The following AGAP1 variants were observed in gnomAD, a reference collection of about 807,000 sequenced individuals.
AGAP1 encodes arf-GAP with GTPase, ANK repeat and PH domain-containing protein 1.
In AGAP1, 29 loss-of-function variants were observed where a neutral mutation model predicts 105.3. That is an observed-to-expected ratio of 0.28 (90% CI 0.21 to 0.38). The LOEUF is 0.38. Ranked by LOEUF, AGAP1 falls within the 10% of genes least tolerant of loss-of-function variation. The probability of loss-of-function intolerance (pLI) is 1.00; values close to 1 mark genes in which losing one functional copy is unlikely to be tolerated. For missense variants in AGAP1, 998 were observed against 1,165.1 expected, an observed-to-expected ratio of 0.86 and a Z score of 2.09; for synonymous variants, 509 against 485.9, an observed-to-expected ratio of 1.05 and a Z score of -0.63.
At position 235,982,192 on chromosome 2, in the gene AGAP1, T is replaced by C. The variant is rs2055126736; in HGVS notation, c.1645+13569T>C. On this transcript the variant is annotated intron_variant, in intron 13 of 17. Coordinates refer to ENST00000304032, the MANE Select transcript of AGAP1 (RefSeq NM_001037131.3). This position sits in a 1 kb window ranked among gnomAD's most constrained non-coding sequence, Gnocchi z 4.9. ...TAATGATGATCTCTTCGCAGCCTGG[T>C]AATTTTACCTGGACAAGTAAATCCA... is the stretch of plus-strand genomic sequence containing the variant. Among the ~76,000 whole-genome samples, 1 of 152,220 alleles carries C rather than the reference T, an allele frequency of 6.6e-6. No homozygotes were observed. Among genetic ancestry groups the C allele is most frequent in the Non-Finnish European group, 1.5e-5 (1 of 68,048 alleles).
rs114186631 is a variant in AGAP1 at position 235,548,124 on chromosome 2, G to A, written c.163+53275G>A. 5.0e-3 allele frequency among the ~76,000 whole-genome samples: 754 copies of A among 152,292 alleles called. 6 individuals carry two copies. The highest frequency in any genetic ancestry group is 0.017 in the African/African-American group (691 of 41,560). On this transcript the variant is annotated intron_variant, in intron 1 of 17. Coordinates refer to ENST00000304032, the MANE Select transcript of AGAP1 (RefSeq NM_001037131.3). ...TTTAAAGCAAGAAAACAAATGGCAC[G>A]ATTGCTCTGCTGTTCCTGTCCTAGG...
chr2:235,772,554 C>T (rs1024329014), intron 6 of AGAP1, among the ~76,000 whole-genome samples: 10 of 152,228 alleles, frequency 6.6e-5, no homozygotes, highest in African/African-American at 2.2e-4. Context: ...AGAGTCCTCC[C>T]ATTCATGGTG....
intron 9 of AGAP1, among the ~76,000 whole-genome samples, chr2:235,825,896 G>A (rs925057156): frequency 1.1e-4 from 16 of 152,128 alleles, no homozygotes; most frequent in African/African-American, 3.6e-4. Context: ...GGATAAATGA[G>A]AGGATGGAGA....
At chr2:235,499,625 A>G (rs1055519277) in intron 1 of AGAP1, among the ~76,000 whole-genome samples, 1 of 152,032 alleles carries the variant, frequency 6.6e-6, no homozygotes, top group Non-Finnish European at 1.5e-5. Flanking sequence ...CATGCTTCTC[A>G]GTTGTGGTGC....
intron 10 of AGAP1, among the ~76,000 whole-genome samples, chr2:235,897,497 G>A (rs970095086): frequency 1.3e-5 from 2 of 152,162 alleles, no homozygotes; most frequent in African/African-American, 4.8e-5. Flanking sequence ...CAGTGTGGCT[G>A]GAGGGTTTGA....
At chr2:235,948,653 G>A (rs1430289961) in intron 12 of AGAP1, among the ~76,000 whole-genome samples, 1 of 152,162 alleles carries the variant, frequency 6.6e-6, no homozygotes, top group Non-Finnish European at 1.5e-5. Context: ...TGTAGCGCTA[G>A]AGATGGGTCC....
At position 235,953,682 on chromosome 2, in the gene AGAP1, G is replaced by A. The variant is rs1248588068; in HGVS notation, c.1484-14780G>A. Among the ~76,000 whole-genome samples, 2 of 152,186 alleles carry A rather than the reference G, an allele frequency of 1.3e-5. No homozygotes were observed. Among genetic ancestry groups the A allele is most frequent in the Non-Finnish European group, 2.9e-5 (2 of 68,036 alleles). On this transcript the variant is annotated intron_variant, in intron 12 of 17. Coordinates refer to ENST00000304032, the MANE Select transcript of AGAP1 (RefSeq NM_001037131.3). The surrounding 1 kb of genome is among the most constrained non-coding windows in gnomAD (Gnocchi z 5.2). ...AATTTTTTCCACGCCTGTAATCTCA[G>A]TGCTTTGGGAGGCCAAAGCAGAAGG...
intron 1 of AGAP1, among the ~76,000 whole-genome samples, chr2:235,707,858 T>TGGTA (rs1277668171): frequency 2.0e-5 from 3 of 150,366 alleles, no homozygotes; most frequent in Non-Finnish European, 4.4e-5. Context: ...GTGTGTGACA[T>TGGTA]GGTAGGACAT....
rs146405771 is a variant in AGAP1 at position 235,642,545 on chromosome 2, G to T, written c.164-66634G>T. On this transcript the variant is annotated intron_variant, in intron 1 of 17. Transcript: ENST00000304032. The surrounding 1 kb of genome is among the most constrained non-coding windows in gnomAD (Gnocchi z 4.1). Reference sequence around the variant, plus strand: ...GACTTGTCTTCTCCACCTTCCACTTGTCCTAACAGCTGTCGGGACCATCAT... The same window carrying T: ...GACTTGTCTTCTCCACCTTCCACTTTTCCTAACAGCTGTCGGGACCATCAT... Among the ~76,000 whole-genome samples, 393 of 152,228 alleles carry T rather than the reference G, an allele frequency of 2.6e-3. 1 individual carries two copies. The highest frequency in any genetic ancestry group is 4.7e-3 in the Non-Finnish European group (317 of 68,028).
intron 12 of AGAP1, among the ~76,000 whole-genome samples, chr2:235,944,595 A>G (rs538101637): frequency 2.0e-5 from 3 of 152,364 alleles, no homozygotes; most frequent in African/African-American, 4.8e-5. Flanking sequence ...CAAGCTTTGC[A>G]TTAATGCAGA....
At chr2:235,817,656 C>T (rs548745834) in intron 9 of AGAP1, among the ~76,000 whole-genome samples, 32 of 152,106 alleles carry the variant, frequency 2.1e-4, no homozygotes, top group African/African-American at 6.7e-4. Flanking sequence ...TTTGGGAGGC[C>T]GAGGCAGGCA....
At position 235,499,198 on chromosome 2, in the gene AGAP1, A is replaced by G. The variant is rs554677375; in HGVS notation, c.163+4349A>G. Among the ~76,000 whole-genome samples, 5 of 152,242 alleles carry G rather than the reference A, an allele frequency of 3.3e-5. No individual in the cohort carries two copies. The South Asian group carries it at 8.3e-4, about 25-fold the overall frequency. ...TGAGATTGCGGAGCCCCTGTTATTC[A>G]TACTTCCCATAGGCCGTGTGTGCAA... On this transcript the variant is annotated intron_variant, in intron 1 of 17. Transcript: ENST00000304032.
chr2:235,977,168 T>C lies in AGAP1; in HGVS notation c.1645+8545T>C, dbSNP rs1349625116. Among the ~76,000 whole-genome samples, 1 of 152,174 alleles carries C rather than the reference T, an allele frequency of 6.6e-6. No homozygotes were observed. The highest frequency in any genetic ancestry group is 1.5e-5 in the Non-Finnish European group (1 of 68,026). ...GAGAACTCGGGGCACCGTGTTTTCC[T>C]GTGTGCACCCTGGGATTGGAATTCG... On this transcript the variant is annotated intron_variant, in intron 13 of 17. Coordinates refer to ENST00000304032, the MANE Select transcript of AGAP1 (RefSeq NM_001037131.3). The surrounding 1 kb of genome is among the most constrained non-coding windows in gnomAD (Gnocchi z 5.2).
chr2:236,075,245 G>A (rs775067461), intron 16 of AGAP1, among the ~76,000 whole-genome samples: 1 of 151,964 alleles, frequency 6.6e-6, no homozygotes, highest in Non-Finnish European at 1.5e-5. Flanking sequence ...TGATGGTTGC[G>A]CGCTGGGTTT....
chr2:235,661,134 T>C (rs931671609), intron 1 of AGAP1, among the ~76,000 whole-genome samples: 1 of 151,944 alleles, frequency 6.6e-6, no homozygotes, highest in African/African-American at 2.4e-5. Flanking sequence ...GTGTGTGCTG[T>C]GGGAATCCTG....
intron 12 of AGAP1, among the ~76,000 whole-genome samples, chr2:235,932,283 T>C (rs1018167603): frequency 2.0e-5 from 3 of 152,136 alleles, no homozygotes; most frequent in African/African-American, 7.2e-5. Flanking sequence ...TCTTATCTGT[T>C]CAATGGACAC....
chr2:236,065,323 C>T (rs916540814), intron 16 of AGAP1, among the ~76,000 whole-genome samples: 5 of 152,180 alleles, frequency 3.3e-5, no homozygotes, highest in Admixed American at 6.5e-5. Context: ...TTCAGCTCCT[C>T]GGGCCCCTAT....
At chr2:235,974,863 G>A (rs2054792658) in intron 13 of AGAP1, among the ~76,000 whole-genome samples, 1 of 152,200 alleles carries the variant, frequency 6.6e-6, no homozygotes, top group African/African-American at 2.4e-5. Context: ...CTCCATGGGA[G>A]ACGTTGAGAA....
At position 235,824,347 on chromosome 2, in the gene AGAP1, A is replaced by T. The variant is rs1199173852; in HGVS notation, c.1050+17016A>T. On this transcript the variant is annotated intron_variant, in intron 9 of 17. Transcript: ENST00000304032. The surrounding 1 kb of genome is among the most constrained non-coding windows in gnomAD (Gnocchi z 5.2). ...ATTAGTTGATTACTAGTTCTTTAAA[A>T]TGTACTGTACTCACTGTGGGTCTTG... 1.3e-5 allele frequency among the ~76,000 whole-genome samples: 2 copies of T among 152,228 alleles called. No individual in the cohort carries two copies. Among genetic ancestry groups the T allele is most frequent in the African/African-American group, 4.8e-5 (2 of 41,462 alleles).
Sources: gnomAD v4.1 joint callset for allele counts (sites outside exome capture counted in the v4.1 genomes callset) on GRCh38, gnomAD v4.1.1 for gene constraint, Gnocchi (gnomAD v3.1) non-coding constraint, MANE v1.5 for transcripts, NCBI Gene and HGNC (gene_info 2026-07-23, HGNC 2026-07-21) for gene names.